Variants in TMPRSS11D observed in about 807,000 individuals in gnomAD.
TMPRSS11D encodes transmembrane serine protease 11D, also known as transmembrane protease serine 11D.
Under a neutral mutation model 44.4 loss-of-function variants are expected in TMPRSS11D, and 32 were observed. The observed-to-expected ratio is 0.72, with a 90% confidence interval of 0.54 to 0.97. The LOEUF (loss-of-function observed/expected upper bound fraction) is 0.97. Among genes scored for constraint, TMPRSS11D ranks in the 50% least tolerant of loss-of-function variants. The pLI is 0.00. For missense variants in TMPRSS11D, 446 were observed against 502.6 expected (o/e 0.89, Z 1.08); for synonymous variants, 179 against 177.9 (o/e 1.01, Z -0.05).
intron 3 of TMPRSS11D, 71 bp downstream of exon 3, chr4:67,853,997 T>TAAAAAAA: frequency 1.1e-6 from 1 of 921,814 alleles, no homozygotes. Context: ...GAAAATATAT[T>TAAAAAAA]ACAAAACATT....
chr4:67,842,512 C>A, intron 4 of TMPRSS11D, 46 bp downstream of exon 4: 1 of 1,491,842 alleles, frequency 6.7e-7, no homozygotes, highest in Non-Finnish European at 9.3e-7. Flanking sequence ...GTCAAGTATG[C>A]CACATTGTAT....
chr4:67,840,265 C>T (rs1204801217), intron 4 of TMPRSS11D, among the ~76,000 whole-genome samples: 1 of 151,912 alleles, frequency 6.6e-6, no homozygotes, highest in African/African-American at 2.4e-5. Flanking sequence ...ACAATCATGG[C>T]AGAAGGGGAA....
chr4:67,845,566 A>G (rs1271120859), intron 3 of TMPRSS11D, among the ~76,000 whole-genome samples: 1 of 152,162 alleles, frequency 6.6e-6, no homozygotes, highest in Non-Finnish European at 1.5e-5. Flanking sequence ...TTTACATTCA[A>G]TCTTTTAGCC....
Position 67,868,685 on chromosome 4 carries a change from G to A in TMPRSS11D, c.9-9007C>T, listed in dbSNP as rs545601158. 4.6e-5 allele frequency among the ~76,000 whole-genome samples: 7 copies of A among 152,332 alleles called. No individual in the cohort carries two copies. In the East Asian group the frequency reaches 1.3e-3, roughly 29 times the overall value. On this transcript the variant is annotated intron_variant, in intron 1 of 9. Coordinates refer to ENST00000283916, the MANE Select transcript of TMPRSS11D (RefSeq NM_004262.3). ...TCTGGTCAAGATTATAGAAGACTTT[G>A]TGAGTAATGGGTTTGGACTCTTTCT...
chr4:67,834,109 G>T (rs1718013971), intron 6 of TMPRSS11D, among the ~76,000 whole-genome samples: 1 of 152,112 alleles, frequency 6.6e-6, no homozygotes, highest in Non-Finnish European at 1.5e-5. Flanking sequence ...AACGGGCTGG[G>T]GTAGGCTGAT....
At chr4:67,852,291 G>A (rs1718528373) in intron 3 of TMPRSS11D, among the ~76,000 whole-genome samples, 1 of 152,144 alleles carries the variant, frequency 6.6e-6, no homozygotes, top group African/African-American at 2.4e-5. Flanking sequence ...AGAGGACCCT[G>A]TCATTGGTGG....
chr4:67,844,141 G>A (rs1560541241), intron 3 of TMPRSS11D, among the ~76,000 whole-genome samples: 1 of 152,168 alleles, frequency 6.6e-6, no homozygotes, highest in Non-Finnish European at 1.5e-5. Flanking sequence ...ATACTGTGAG[G>A]TGGCACCTAG....
At chr4:67,829,634 A>T (rs1717896638) in intron 7 of TMPRSS11D, among the ~76,000 whole-genome samples, 1 of 152,112 alleles carries the variant, frequency 6.6e-6, no homozygotes, top group South Asian at 2.1e-4. Flanking sequence ...AATGTCTAAA[A>T]TTTTTGTAGA....
At chr4:67,841,853 TC>T (rs1254476300) in intron 4 of TMPRSS11D, among the ~76,000 whole-genome samples, 2 of 152,210 alleles carry the variant, frequency 1.3e-5, no homozygotes, top group Non-Finnish European at 2.9e-5. Flanking sequence ...GAATTAATTT[TC>T]TTGTGATGCT....
rs749400213 is a variant in TMPRSS11D at position 67,822,403 on chromosome 4, A to G, written c.1191T>C (p.Asp397=). 2 of 1,613,944 alleles carry G rather than the reference A, an allele frequency of 1.2e-6. No homozygotes were observed. Among genetic ancestry groups the G allele is most frequent in the Admixed American group, 3.3e-5 (2 of 59,966 alleles). ...TCACTCGAGTATACACTCCTGGCTT[A>G]TCCGGCAGGCCACACTGATCTCCCC... ...VSWGDQCGLP[D]KPGVYTRVTA... The change falls in exon 10 of 10, where the codon GAT becomes GAC. Residue 397 remains aspartate (D), a synonymous_variant. Coordinates refer to ENST00000283916, the MANE Select transcript of TMPRSS11D (RefSeq NM_004262.3).
intron 3 of TMPRSS11D, among the ~76,000 whole-genome samples, chr4:67,843,091 A>G (rs997878943): frequency 1.1e-4 from 16 of 145,946 alleles, no homozygotes; most frequent in African/African-American, 4.0e-4. Flanking sequence ...GGGAGAAGGA[A>G]GCAAAGGGCA....
intron 7 of TMPRSS11D, among the ~76,000 whole-genome samples, chr4:67,832,800 C>T (rs1045252845): frequency 1.3e-5 from 2 of 151,544 alleles, no homozygotes; most frequent in Admixed American, 6.6e-5. Context: ...CACAGCAATT[C>T]GTTTCGCTAA....
At chr4:67,842,670 T>C (rs763029384) in intron 3 of TMPRSS11D, 45 bp from the exon 4 acceptor site, 2 of 1,523,502 alleles carry the variant, frequency 1.3e-6, no homozygotes, top group South Asian at 2.3e-5. Context: ...AATACAGTTC[T>C]TCTTCTCCTT....
chr4:67,856,955 A>T (rs1194656854), intron 2 of TMPRSS11D, among the ~76,000 whole-genome samples: 1 of 152,152 alleles, frequency 6.6e-6, no homozygotes, highest in Non-Finnish European at 1.5e-5. Context: ...CTCAGTTAAG[A>T]TTTCTATTAC....
chr4:67,822,239 G>A lies in TMPRSS11D; in HGVS notation c.*98C>T, dbSNP rs578014230. 9 of 1,291,378 alleles carry A rather than the reference G, an allele frequency of 7.0e-6. No individual in the cohort carries two copies. In the East Asian group the frequency reaches 1.6e-4, roughly 23 times the overall value. The allele number at this position is 1,291,378 out of a possible 1,614,324, so 80.0% of individuals were successfully genotyped here. ...TTTATGTAACAAGATGTTAAATTAG[G>A]ACATTTCTAGTTTCTTTTTCAGTTG... On this transcript the variant is annotated 3_prime_UTR_variant, in exon 10 of 10. Coordinates refer to ENST00000283916, the MANE Select transcript of TMPRSS11D (RefSeq NM_004262.3).
intron 1 of TMPRSS11D, among the ~76,000 whole-genome samples, chr4:67,880,849 A>G (rs1233166939): frequency 6.6e-6 from 1 of 152,190 alleles, no homozygotes; most frequent in African/African-American, 2.4e-5. Context: ...TTTATTAATC[A>G]TTGATACGCT....
intron 7 of TMPRSS11D, 102 bp downstream of exon 7, chr4:67,833,102 T>C: frequency 8.8e-7 from 1 of 1,136,698 alleles, no homozygotes; most frequent in Non-Finnish European, 1.1e-6. Flanking sequence ...TTTTTTTGCA[T>C]TGAATTATTT....
At chr4:67,883,021 A>G (rs1015320143) in intron 1 of TMPRSS11D, among the ~76,000 whole-genome samples, 9 of 151,716 alleles carry the variant, frequency 5.9e-5, no homozygotes, top group Admixed American at 4.6e-4. Context: ...TTTCACTCAT[A>G]TATATATATT....
At chr4:67,870,397 T>C (rs1403243937) in intron 1 of TMPRSS11D, among the ~76,000 whole-genome samples, 1 of 152,212 alleles carries the variant, frequency 6.6e-6, no homozygotes, top group Non-Finnish European at 1.5e-5. Flanking sequence ...GACTTTGTGC[T>C]TGCTCTTCCG....
Sources: gnomAD v4.1 joint callset for allele counts (sites outside exome capture counted in the v4.1 genomes callset) on GRCh38, gnomAD v4.1.1 for gene constraint, MANE v1.5 for transcripts, NCBI Gene and HGNC (gene_info 2026-07-23, HGNC 2026-07-21) for gene names.